TNIP3: variants seen among roughly 807,000 people sequenced by gnomAD.
TNIP3 encodes TNFAIP3 interacting protein 3.
Under a neutral mutation model 54.1 loss-of-function variants are expected in TNIP3, and 34 were observed. The observed-to-expected ratio is 0.63, with a 90% CI of 0.48 to 0.84. The LOEUF (loss-of-function observed/expected upper bound fraction) is 0.84, where lower values mean the gene tolerates loss of function less well. Ranked by LOEUF, TNIP3 falls within the 40% of genes least tolerant of loss-of-function variation. TNIP3 has a pLI of 0.00. For missense variants in TNIP3, 366 were observed against 387.6 expected, an observed-to-expected ratio of 0.94 and a Z score of 0.47; for synonymous variants, 134 against 136.8, an observed-to-expected ratio of 0.98 and a Z score of 0.14.
At chr4:121,177,097 C>A (rs937339333) in intron 3 of TNIP3, among the ~76,000 whole-genome samples, 1 of 152,188 alleles carries the variant, frequency 6.6e-6, no homozygotes, top group African/African-American at 2.4e-5. Flanking sequence ...TTATTGGAAC[C>A]ATATTTGTTT....
intron 2 of TNIP3, among the ~76,000 whole-genome samples, chr4:121,193,666 T>G (rs115464536): frequency 6.6e-6 from 1 of 152,168 alleles, no homozygotes; most frequent in South Asian, 2.1e-4. Flanking sequence ...CCACCAAGTA[T>G]GTAATGAATA....
intron 1 of TNIP3, 140 bp downstream of exon 1, chr4:121,163,920 T>C (rs1730608189): frequency 2.2e-6 from 2 of 904,484 alleles, no homozygotes; most frequent in East Asian, 2.9e-5. Flanking sequence ...TACATAATTT[T>C]GGTTAAAAAT....
intron 3 of TNIP3, among the ~76,000 whole-genome samples, chr4:121,179,286 G>T (rs1268212879): frequency 6.6e-6 from 1 of 152,160 alleles, no homozygotes; most frequent in Non-Finnish European, 1.5e-5. Context: ...ACAACTTTGT[G>T]AATTTAGGCA....
intron 2 of TNIP3, among the ~76,000 whole-genome samples, chr4:121,211,407 T>A (rs1726471265): frequency 6.6e-6 from 1 of 152,146 alleles, no homozygotes; most frequent in Non-Finnish European, 1.5e-5. Flanking sequence ...AGCCAAAGCC[T>A]ACAAGGGATG....
chr4:121,157,258 C>T lies in TNIP3; in HGVS notation c.214-15G>A, dbSNP rs1408370546. The T allele has an allele frequency of 1.2e-6, 2 of 1,613,930 alleles. No homozygotes were observed. Among genetic ancestry groups the T allele is most frequent in the Admixed American group, 1.7e-5 (1 of 59,994 alleles). ...AGCTCTGCTACCTGAGGAGGTCGTT[C>T]AAAGACAGCTGCAGATACCTTCTCT... On this transcript the variant is annotated splice_polypyrimidine_tract_variant and intron_variant, in intron 3 of 10. Transcript: ENST00000057513.
upstream of TNIP3, among the ~76,000 whole-genome samples, chr4:121,217,377 A>G (rs1054500811): frequency 6.6e-6 from 1 of 152,146 alleles, no homozygotes. Flanking sequence ...CAAAAAAAAA[A>G]GTTTGTTAAA....
intron 2 of TNIP3, among the ~76,000 whole-genome samples, chr4:121,203,253 A>ATAGG (rs1725999780): frequency 6.6e-6 from 1 of 152,208 alleles, no homozygotes; most frequent in South Asian, 2.1e-4. Flanking sequence ...AGATAGATAG[A>ATAGG]TAGATAGAAA....
chr4:121,222,371 G>A (rs758424078), intron 1 of TNIP3, among the ~76,000 whole-genome samples: 3 of 152,130 alleles, frequency 2.0e-5, no homozygotes, highest in African/African-American at 7.2e-5. Flanking sequence ...TTTCAAACGT[G>A]TATTGGAAGG....
intron 7 of TNIP3, among the ~76,000 whole-genome samples, chr4:121,145,583 G>A (rs925056117): frequency 2.7e-5 from 4 of 149,986 alleles, no homozygotes; most frequent in African/African-American, 9.7e-5. Flanking sequence ...TCTTAATATA[G>A]TAGAATAAAT....
At position 121,157,117 on chromosome 4, in the gene TNIP3, G is replaced by T; in HGVS notation, c.340C>A (p.Arg114=). ...ACCTCCTCCCGCTGCAGCCGGTCCCGGGTCAGGTCGCGCTGCCTGTCGTCC... is the reference window on the plus strand; with the variant it reads ...ACCTCCTCCCGCTGCAGCCGGTCCCTGGTCAGGTCGCGCTGCCTGTCGTCC... ...REDDRQRDLT[R]DRLQREEKEK... is the part of the protein sequence containing the mutation. The change falls in exon 4 of 11, where the codon CGG becomes AGG. Residue 114 remains arginine (R), a synonymous_variant. Transcript: ENST00000057513. The T allele has an allele frequency of 1.2e-6, 2 of 1,609,176 alleles. No homozygotes were observed. Among genetic ancestry groups the T allele is most frequent in the Non-Finnish European group, 1.7e-6 (2 of 1,176,042 alleles).
chr4:121,172,957 A>G (rs753688840), intron 3 of TNIP3, among the ~76,000 whole-genome samples: 10 of 152,228 alleles, frequency 6.6e-5, no homozygotes, highest in Non-Finnish European at 1.2e-4. Flanking sequence ...TATTTGCTTC[A>G]ATCTGAACTT....
intron 2 of TNIP3, chr4:121,192,946 A>T (rs1376861797): frequency 1.3e-5 from 2 of 152,174 alleles, no homozygotes; most frequent in Non-Finnish European, 2.9e-5. Flanking sequence ...AGTTGCAATC[A>T]TTGTTGGACA....
At chr4:121,219,255 T>C (rs1726934027), upstream of TNIP3, among the ~76,000 whole-genome samples, 1 of 152,140 alleles carries the variant, frequency 6.6e-6, no homozygotes. Context: ...AGTATCCAAC[T>C]GGCTGAGCAT....
At chr4:121,138,502 T>C (rs1240136551) in intron 10 of TNIP3, 122 bp downstream of exon 10, 2 of 904,434 alleles carry the variant, frequency 2.2e-6, no homozygotes, top group African/African-American at 1.7e-5. Flanking sequence ...AAGTTATGTA[T>C]GTAACACAAC....
At chr4:121,173,913 G>A (rs940743497) in intron 3 of TNIP3, among the ~76,000 whole-genome samples, 2 of 152,206 alleles carry the variant, frequency 1.3e-5, no homozygotes, top group African/African-American at 4.8e-5. Context: ...TTACAGGCGT[G>A]AGCCATTGCA....
intron 1 of TNIP3, among the ~76,000 whole-genome samples, chr4:121,223,041 G>A (rs967225592): frequency 3.3e-5 from 5 of 152,134 alleles, no homozygotes; most frequent in Non-Finnish European, 7.3e-5. Flanking sequence ...TCCTGACCTC[G>A]TGATCCGCCC....
intron 2 of TNIP3, among the ~76,000 whole-genome samples, chr4:121,160,476 C>CA (rs10672885): frequency 0.078 from 10,725 of 137,728 alleles, 728 homozygotes; most frequent in African/African-American, 0.18. Flanking sequence ...AACACTGTCT[C>CA]AAAAAAAAAA....
chr4:121,202,499 C>A (rs1276479480), intron 2 of TNIP3, among the ~76,000 whole-genome samples: 1 of 151,964 alleles, frequency 6.6e-6, no homozygotes, highest in East Asian at 1.9e-4. Context: ...TAGACATTGG[C>A]AAAACCTTTC....
At chr4:121,224,492 A>C (rs1727177960) in intron 1 of TNIP3, among the ~76,000 whole-genome samples, 1 of 152,208 alleles carries the variant, frequency 6.6e-6, no homozygotes, top group Non-Finnish European at 1.5e-5. Flanking sequence ...CTCTCAGACT[A>C]ATTATACCTT....
Sources: allele counts gnomAD v4.1 joint callset (sites outside exome capture counted in the v4.1 genomes callset), GRCh38; gene constraint gnomAD v4.1.1; transcripts MANE v1.5; gene names NCBI Gene and HGNC (gene_info 2026-07-23, HGNC 2026-07-21).